The following PTPRM variants were observed in gnomAD, a reference collection of about 807,000 sequenced individuals.
PTPRM encodes protein tyrosine phosphatase receptor type M.
A neutral mutation model predicts 186.7 loss-of-function variants in PTPRM; 47 were observed. The observed-to-expected ratio is 0.25, with a 90% CI of 0.20 to 0.32. The LOEUF (loss-of-function observed/expected upper bound fraction) is 0.32, where lower values mean the gene tolerates loss of function less well. PTPRM is among the 10% of genes least tolerant of loss of function. The pLI, the probability that PTPRM is intolerant of heterozygous loss-of-function variation, is 1.00. For missense variants in PTPRM, 1,494 were observed against 1,865.0 expected (o/e 0.80, Z 3.66); for synonymous variants, 668 against 674.9 (o/e 0.99, Z 0.16).
At chr18:8,148,067 C>T (rs1300074962) in intron 14 of PTPRM, among the ~76,000 whole-genome samples, 4 of 152,042 alleles carry the variant, frequency 2.6e-5, no homozygotes, top group Admixed American at 6.6e-5. Flanking sequence ...TGAGGATTTT[C>T]GCATCGAAGT....
chr18:8,382,384 A>G (rs1252937798), intron 29 of PTPRM, among the ~76,000 whole-genome samples: 6 of 152,118 alleles, frequency 3.9e-5, no homozygotes, highest in Non-Finnish European at 7.3e-5. Flanking sequence ...CAGGCAGTAG[A>G]AAAATGGGCA....
chr18:7,577,268 T>C (rs942197399), intron 1 of PTPRM, among the ~76,000 whole-genome samples: 3 of 152,206 alleles, frequency 2.0e-5, no homozygotes, highest in African/African-American at 7.2e-5. Context: ...AAGACTGTAG[T>C]TTTATTGTGT....
At chr18:8,151,014 A>C (rs1280820457) in intron 14 of PTPRM, among the ~76,000 whole-genome samples, 1 of 152,094 alleles carries the variant, frequency 6.6e-6, no homozygotes, top group Non-Finnish European at 1.5e-5. Context: ...TTCATACCAG[A>C]GGGGCAACCA....
intron 1 of PTPRM, among the ~76,000 whole-genome samples, chr18:7,694,229 G>A (rs2039793778): frequency 6.6e-6 from 1 of 152,158 alleles, no homozygotes; most frequent in Admixed American, 6.5e-5. Context: ...TGGAGGAGGG[G>A]AGTGTGTTAG....
At chr18:7,961,168 T>G (rs2053656391) in intron 7 of PTPRM, among the ~76,000 whole-genome samples, 1 of 152,222 alleles carries the variant, frequency 6.6e-6, no homozygotes. Flanking sequence ...TTTTTAAATG[T>G]ACAATTATTA....
intron 31 of PTPRM, among the ~76,000 whole-genome samples, chr18:8,389,114 T>A (rs965483266): frequency 2.0e-5 from 3 of 152,182 alleles, no homozygotes; most frequent in African/African-American, 7.2e-5. Flanking sequence ...CAAAGAATAT[T>A]AACATTGTAG....
At chr18:7,705,036 T>A (rs2040047119) in intron 1 of PTPRM, among the ~76,000 whole-genome samples, 1 of 152,112 alleles carries the variant, frequency 6.6e-6, no homozygotes, top group Non-Finnish European at 1.5e-5. Flanking sequence ...TTTAAGAGCT[T>A]GAATTTGAAA....
chr18:7,761,096 A>G (rs1422126955), intron 1 of PTPRM, among the ~76,000 whole-genome samples: 2 of 152,216 alleles, frequency 1.3e-5, no homozygotes, highest in South Asian at 2.1e-4. Context: ...GAGAAGGGTT[A>G]ATGTTTTTAG....
At chr18:7,597,536 A>G (rs189931503) in intron 1 of PTPRM, among the ~76,000 whole-genome samples, 71 of 152,302 alleles carry the variant, frequency 4.7e-4, no homozygotes, top group Admixed American at 4.1e-3. Context: ...AATTAGACAC[A>G]GATAGGTAGT....
intron 7 of PTPRM, among the ~76,000 whole-genome samples, chr18:7,988,690 A>T (rs1029428160): frequency 6.6e-6 from 1 of 152,146 alleles, no homozygotes; most frequent in Admixed American, 6.5e-5. Context: ...ACTTATTTCA[A>T]CAAGCATGAT....
At chr18:7,594,984 G>A (rs2143672458) in intron 1 of PTPRM, among the ~76,000 whole-genome samples, 1 of 152,328 alleles carries the variant, frequency 6.6e-6, no homozygotes, top group African/African-American at 2.4e-5. Flanking sequence ...TACTCTTGAA[G>A]TGTCTTGGAG....
chr18:8,352,886 G>C (rs529707323), intron 23 of PTPRM, among the ~76,000 whole-genome samples: 12 of 152,070 alleles, frequency 7.9e-5, no homozygotes, highest in Non-Finnish European at 1.5e-4. Context: ...TGGCCAGGCT[G>C]GTCTTGAACT....
intron 14 of PTPRM, among the ~76,000 whole-genome samples, chr18:8,190,458 T>C (rs1451006544): frequency 1.3e-5 from 2 of 152,240 alleles, no homozygotes; most frequent in Non-Finnish European, 2.9e-5. Context: ...CTTTAATTTA[T>C]CCCATTTTTG....
intron 14 of PTPRM, among the ~76,000 whole-genome samples, chr18:8,162,186 G>A (rs528915332): frequency 6.7e-6 from 1 of 150,002 alleles, no homozygotes; most frequent in South Asian, 2.1e-4. Context: ...TACAACCTCT[G>A]CCTCCTGGGT....
At position 8,180,745 on chromosome 18, in the gene PTPRM, T is replaced by C. The variant is rs375166150; in HGVS notation, c.2300+36966T>C. On this transcript the variant is annotated intron_variant, in intron 14 of 32. Transcript: ENST00000580170. The stretch of plus-strand genomic sequence containing the variant: ...AGTTAAACTCCACCATTTTGCCTCT[T>C]AGTGCACATGCTTGAGCCCACTTGC... 2.5e-3 allele frequency among the ~76,000 whole-genome samples: 380 copies of C among 152,308 alleles called. 17 individuals are homozygous for C. In the South Asian group the frequency reaches 0.071, roughly 28 times the overall value.
At chr18:8,194,886 C>T (rs1483976142) in intron 14 of PTPRM, among the ~76,000 whole-genome samples, 1 of 152,190 alleles carries the variant, frequency 6.6e-6, no homozygotes, top group African/African-American at 2.4e-5. Flanking sequence ...ATCTGAGCTG[C>T]ACTCGCCTCT....
intron 1 of PTPRM, among the ~76,000 whole-genome samples, chr18:7,616,229 T>C (rs939899783): frequency 6.6e-6 from 1 of 152,136 alleles, no homozygotes; most frequent in African/African-American, 2.4e-5. Context: ...CCATCACTGC[T>C]CACTGCGGCC....
rs115756951 is a variant in PTPRM, at chr18:8,294,648, T to C, written c.2755-1720T>C. On this transcript the variant is annotated intron_variant, in intron 19 of 32. Transcript: ENST00000580170. ...GCGATGCATAGTGTGAGTCTGTTAA[T>C]ACAGCTGTTCATATATAGCACATCT... is the stretch of plus-strand genomic sequence containing the variant. Among the ~76,000 whole-genome samples, 816 of 152,294 alleles carry C rather than the reference T, an allele frequency of 5.4e-3. 5 individuals carry two copies. Among genetic ancestry groups the C allele is most frequent in the African/African-American group, 0.019 (780 of 41,562 alleles).
chr18:7,996,352 A>G (rs879899262), intron 7 of PTPRM, among the ~76,000 whole-genome samples: 11 of 152,150 alleles, frequency 7.2e-5, no homozygotes, highest in Non-Finnish European at 1.3e-4. Context: ...ATAAAATTTA[A>G]TATCTCCTCA....
Sources: allele counts gnomAD v4.1 joint callset (sites outside exome capture counted in the v4.1 genomes callset), GRCh38; gene constraint gnomAD v4.1.1; transcripts MANE v1.5; gene names NCBI Gene and HGNC (gene_info 2026-07-23, HGNC 2026-07-21).